Variants in PEX13 observed in about 807,000 individuals in gnomAD.
PEX13 encodes the protein peroxisome biogenesis factor 13.
Under a neutral mutation model 34.5 loss-of-function variants are expected in PEX13, and 28 were observed. The observed-to-expected ratio is 0.81, with a 90% CI of 0.60 to 1.11. The LOEUF (loss-of-function observed/expected upper bound fraction) is 1.11. PEX13 is among the 50% of genes most tolerant of loss of function. The pLI is 0.00. For synonymous variants in PEX13, 177 were observed against 175.1 expected (o/e 1.01, Z -0.09); for missense variants, 550 against 491.0 (o/e 1.12, Z -1.13).
rs1336772620 is a variant in PEX13 at position 61,031,826 on chromosome 2, A to G, written c.500A>G (p.His167Arg). ...SFRAVLDVAN[H>R]FSRLKIHFTK... is the part of the protein sequence containing the mutation. The stretch of plus-strand genomic sequence containing the variant: ...AGGGCTGTATTGGATGTAGCAAATC[A>G]CTTTTCCCGATTGAAAATACACTTT... The change falls in exon 2 of 4, where the codon CAC (histidine) becomes CGC (arginine). Residue 167 changes from histidine (H) to arginine (R), a missense_variant. His to Arg is a conservative substitution (Grantham distance 29). Coordinates refer to ENST00000295030, the MANE Select transcript of PEX13 (RefSeq NM_002618.4). The G allele has an allele frequency of 6.2e-7, 1 of 1,613,514 alleles. No individual in the cohort carries two copies. The highest frequency in any genetic ancestry group is 8.5e-7 in the Non-Finnish European group (1 of 1,179,486).
intron 1 of PEX13, among the ~76,000 whole-genome samples, chr2:61,021,498 G>A (rs1680262489): frequency 6.6e-6 from 1 of 152,198 alleles, no homozygotes; most frequent in African/African-American, 2.4e-5. Flanking sequence ...GGCTTGAGTA[G>A]GTAAACAGAG....
chr2:61,034,545 T>C (rs1160429393), intron 2 of PEX13, among the ~76,000 whole-genome samples: 1 of 152,150 alleles, frequency 6.6e-6, no homozygotes, highest in East Asian at 1.9e-4. Context: ...GGGATTTCCC[T>C]TTCCTAGCCA....
At chr2:61,025,890 AT>A (rs1680345687) in intron 1 of PEX13, among the ~76,000 whole-genome samples, 1 of 151,996 alleles carries the variant, frequency 6.6e-6, no homozygotes, top group Admixed American at 6.6e-5. Flanking sequence ...CTACTAGCAT[AT>A]TTCCCTTTTT....
At chr2:61,034,078 C>A (rs1026860570) in intron 2 of PEX13, among the ~76,000 whole-genome samples, 1 of 152,044 alleles carries the variant, frequency 6.6e-6, no homozygotes. Flanking sequence ...CTTACTGCAA[C>A]CTCCACCTCC....
At chr2:61,022,757 C>T (rs1237992850) in intron 1 of PEX13, among the ~76,000 whole-genome samples, 2 of 152,070 alleles carry the variant, frequency 1.3e-5, no homozygotes, top group Admixed American at 6.5e-5. Context: ...GTCCTAGCCA[C>T]TAGGGAGGCT....
In PEX13 at chr2:61,049,153, A is replaced by C. The variant is rs149099359; in HGVS notation, c.*383A>C. Reference sequence around the variant, plus strand: ...GCATTAATTGACTTGGAATCCTTAGAAATGGAGTGGTGACATGTCAGTATG... The same window carrying C: ...GCATTAATTGACTTGGAATCCTTAGCAATGGAGTGGTGACATGTCAGTATG... On this transcript the variant is annotated 3_prime_UTR_variant, in exon 4 of 4. Coordinates refer to ENST00000295030, the MANE Select transcript of PEX13 (RefSeq NM_002618.4). 2.1e-5 allele frequency: 4 copies of C among 186,164 alleles called. No individual in the cohort carries two copies. The highest frequency in any genetic ancestry group is 4.5e-5 in the Non-Finnish European group (4 of 88,156). The allele number at this position is 186,164 out of a possible 1,614,324, so 11.5% of individuals were successfully genotyped here.
chr2:61,033,316 G>T (rs1559036809), intron 2 of PEX13, among the ~76,000 whole-genome samples: 3 of 152,102 alleles, frequency 2.0e-5, no homozygotes, highest in African/African-American at 4.8e-5. Flanking sequence ...TGTGTGAGAA[G>T]CAGGATTCAT....
At position 61,048,662 on chromosome 2, in the gene PEX13, T is replaced by C. The variant is rs778497017; in HGVS notation, c.1104T>C (p.Asp368=). The C allele has an allele frequency of 9.9e-6, 16 of 1,614,120 alleles. No individual in the cohort carries two copies. The highest frequency in any genetic ancestry group is 3.3e-4 in the Middle Eastern group (2 of 6,062). The change falls in exon 4 of 4, where the codon GAT becomes GAC. Residue 368 remains aspartate, a synonymous_variant. Coordinates refer to ENST00000295030, the MANE Select transcript of PEX13 (RefSeq NM_002618.4). The part of the protein sequence containing the change: ...PTLTKGATVA[D]SLDEQEAAFE... ...TAACTAAAGGAGCCACGGTTGCTGA[T>C]TCTTTGGATGAACAGGAAGCTGCCT... is the stretch of plus-strand genomic sequence containing the variant.
intron 2 of PEX13, among the ~76,000 whole-genome samples, chr2:61,040,800 A>G (rs1680611874): frequency 2.0e-5 from 3 of 148,056 alleles, no homozygotes; most frequent in South Asian, 4.2e-4. Context: ...TATAGTATAT[A>G]TAAGTATATA....
At chr2:61,028,790 C>A (rs1177227) in intron 1 of PEX13, among the ~76,000 whole-genome samples, 150,634 of 152,348 alleles carry the variant, frequency 0.99, 74,478 homozygotes, top group Middle Eastern at 1. Flanking sequence ...AGGAAACAAA[C>A]CAACCAAATG....
chr2:61,029,660 A>C (rs1680417792), intron 1 of PEX13, among the ~76,000 whole-genome samples: 1 of 152,148 alleles, frequency 6.6e-6, no homozygotes, highest in Admixed American at 6.5e-5. Context: ...AATATTCGGA[A>C]AATAGGCCAG....
rs1341771827 is a variant in PEX13, at chr2:61,050,734, C to T, written c.*1964C>T. On this transcript the variant is annotated 3_prime_UTR_variant, in exon 4 of 4. Transcript: ENST00000295030. ...TCCCGGGTTCACGCCATTCTCCTGC[C>T]TCAGCCTCCCGAGTAGCTGGGACTA... is the stretch of plus-strand genomic sequence containing the variant. 6.6e-6 allele frequency: 1 copy of T among 152,214 alleles called. No homozygotes were observed. The highest frequency in any genetic ancestry group is 2.4e-5 in the African/African-American group (1 of 41,440). 9.4% of individuals were successfully genotyped at this position (152,214 alleles called of 1,614,324 possible).
In PEX13 at chr2:61,051,455, CTAAATTACGGTATGCATTA is replaced by C. The variant is rs1343131093; in HGVS notation, c.*2687_*2705del. ...GGTGTTTATTGTTTGGTTAAGTCTG[CTAAATTACGGTATGCATTA>C]TCTGGTGACTATTTGTGCCTGAAAA... is the stretch of plus-strand genomic sequence containing the variant. On this transcript the variant is annotated 3_prime_UTR_variant, in exon 4 of 4. Coordinates refer to ENST00000295030, the MANE Select transcript of PEX13 (RefSeq NM_002618.4). 3.3e-5 allele frequency: 5 copies of C among 152,398 alleles called. No individual in the cohort carries two copies. Among genetic ancestry groups the C allele is most frequent in the Admixed American group, 3.3e-4 (5 of 15,286 alleles). The allele number at this position is 152,398 out of a possible 1,614,324, so 9.4% of individuals were successfully genotyped here. A position where few individuals can be genotyped will look rare whatever the true frequency, so the allele number is the denominator to read the frequency against.
At chr2:61,021,855 T>C (rs939085814) in intron 1 of PEX13, among the ~76,000 whole-genome samples, 1 of 152,160 alleles carries the variant, frequency 6.6e-6, no homozygotes, top group Non-Finnish European at 1.5e-5. Context: ...TGCTGTTCTG[T>C]AGCCTCTGCT....
At chr2:61,034,547 T>A (rs911544782) in intron 2 of PEX13, among the ~76,000 whole-genome samples, 5 of 152,134 alleles carry the variant, frequency 3.3e-5, no homozygotes, top group African/African-American at 1.2e-4. Flanking sequence ...GATTTCCCTT[T>A]CCTAGCCAAG....
rs1451063085 is a variant in PEX13 at position 61,048,711 on chromosome 2, A to T, written c.1153A>T (p.Asn385Tyr). The T allele has an allele frequency of 1.9e-6, 3 of 1,613,842 alleles. No homozygotes were observed. Among genetic ancestry groups the T allele is most frequent in the Non-Finnish European group, 2.5e-6 (3 of 1,179,792 alleles). Residue 385 changes from asparagine (N) to tyrosine (Y), a missense_variant, in exon 4 of 4, where the codon AAT becomes TAT. Transcript: ENST00000295030. ...AAFESVFVET[N>Y]KVPVAPDSIG... ...CTTTGAATCTGTTTTTGTTGAAACT[A>T]ATAAGGTTCCAGTTGCACCTGATTC...
intron 1 of PEX13, among the ~76,000 whole-genome samples, chr2:61,030,813 A>G (rs1288841469): frequency 6.6e-6 from 1 of 152,220 alleles, no homozygotes; most frequent in Non-Finnish European, 1.5e-5. Flanking sequence ...TCCAGAATAG[A>G]CAAACCGAGG....
At chr2:61,026,404 G>A (rs1404165763) in intron 1 of PEX13, among the ~76,000 whole-genome samples, 1 of 148,736 alleles carries the variant, frequency 6.7e-6, no homozygotes, top group Non-Finnish European at 1.5e-5. Context: ...GAGTGCAGTG[G>A]TGCTATCTCG....
At chr2:61,041,053 C>T (rs542448115) in intron 2 of PEX13, among the ~76,000 whole-genome samples, 4 of 152,084 alleles carry the variant, frequency 2.6e-5, no homozygotes, top group African/African-American at 2.4e-5. Context: ...TTACTCACCC[C>T]TGTAATCCCA....
Sources: gnomAD v4.1 joint callset for allele counts (sites outside exome capture counted in the v4.1 genomes callset) on GRCh38, gnomAD v4.1.1 for gene constraint, MANE v1.5 for transcripts, NCBI Gene and HGNC (gene_info 2026-07-23, HGNC 2026-07-21) for gene names.